The following MYRIP variants were observed in gnomAD, a reference collection of about 807,000 sequenced individuals.
The protein encoded by MYRIP is myosin VIIA and Rab interacting protein.
A neutral mutation model predicts 98.0 loss-of-function variants in MYRIP; 49 were observed. That is an observed-to-expected ratio of 0.50 (90% CI 0.40 to 0.63). The LOEUF (loss-of-function observed/expected upper bound fraction) is 0.63, where lower values mean the gene tolerates loss of function less well. Ranked by LOEUF, MYRIP falls within the 30% of genes least tolerant of loss-of-function variation. The pLI, the probability that MYRIP is intolerant of heterozygous loss-of-function variation, is 0.00. For missense variants in MYRIP, 1,004 were observed against 1,058.2 expected, an observed-to-expected ratio of 0.95 and a Z score of 0.71; for synonymous variants, 404 against 409.5, an observed-to-expected ratio of 0.99 and a Z score of 0.16.
chr3:39,818,295 C>T (rs555269802), intron 1 of MYRIP, among the ~76,000 whole-genome samples: 1 of 152,226 alleles, frequency 6.6e-6, no homozygotes, highest in Admixed American at 6.5e-5. Context: ...TGCCAAATTC[C>T]CATGCCTTGC....
intron 2 of MYRIP, among the ~76,000 whole-genome samples, chr3:39,957,795 A>G (rs1406183757): frequency 6.6e-6 from 1 of 152,222 alleles, no homozygotes; most frequent in Non-Finnish European, 1.5e-5. Context: ...GTCTCAGCCC[A>G]AAATCTCCGT....
intron 1 of MYRIP, among the ~76,000 whole-genome samples, chr3:39,892,598 T>C (rs188318708): frequency 8.3e-4 from 127 of 152,328 alleles, no homozygotes; most frequent in African/African-American, 3.0e-3. Context: ...GTGTGAATTT[T>C]TTTCTATTAA....
chr3:40,063,794 A>G (rs963573662), intron 3 of MYRIP, among the ~76,000 whole-genome samples: 1 of 152,184 alleles, frequency 6.6e-6, no homozygotes, highest in African/African-American at 2.4e-5. Context: ...AAAGAGATGA[A>G]TTGATCACTA....
intron 11 of MYRIP, among the ~76,000 whole-genome samples, chr3:40,220,248 C>T (rs539754723): frequency 0.024 from 3,612 of 151,602 alleles, 46 homozygotes; most frequent in Non-Finnish European, 0.038. Flanking sequence ...CTTTGTCAGA[C>T]GAGTAGGTTG....
chr3:40,206,075 T>C (rs1328320967), intron 10 of MYRIP, among the ~76,000 whole-genome samples: 1 of 152,126 alleles, frequency 6.6e-6, no homozygotes, highest in Non-Finnish European at 1.5e-5. Context: ...TGTGCGTGCA[T>C]ACCAAAGTTT....
At chr3:39,855,557 T>C (rs894764217) in intron 1 of MYRIP, among the ~76,000 whole-genome samples, 4 of 151,950 alleles carry the variant, frequency 2.6e-5, no homozygotes, top group Admixed American at 6.6e-5. Flanking sequence ...GGGGTTATGT[T>C]CCAGAGGGGA....
intron 1 of MYRIP, among the ~76,000 whole-genome samples, chr3:39,883,075 A>G (rs1943194968): frequency 6.6e-6 from 1 of 152,192 alleles, no homozygotes; most frequent in Admixed American, 6.6e-5. Context: ...GAATGTGAGA[A>G]CAGCATTTGA....
Position 39,876,412 on chromosome 3 carries a change from C to G in MYRIP, c.-30-24375C>G, listed in dbSNP as rs962834184. On this transcript the variant is annotated intron_variant, in intron 1 of 16. Transcript: ENST00000302541. ...ATGTTAGCTGGTTATTTTGCTCATT[C>G]GTTCATGCAGTTTCTTCCTAGCCTC... 9.2e-5 allele frequency among the ~76,000 whole-genome samples: 14 copies of G among 152,162 alleles called. No individual in the cohort carries two copies. In the South Asian group the frequency reaches 2.7e-3, roughly 29 times the overall value.
chr3:40,183,170 G>A (rs1465856953), intron 9 of MYRIP, among the ~76,000 whole-genome samples: 1 of 152,234 alleles, frequency 6.6e-6, no homozygotes, highest in Non-Finnish European at 1.5e-5. Flanking sequence ...CCTGTGGACA[G>A]GAACTGGTCA....
At chr3:40,195,309 T>C (rs1022325794) in intron 10 of MYRIP, among the ~76,000 whole-genome samples, 2 of 152,186 alleles carry the variant, frequency 1.3e-5, no homozygotes, top group Non-Finnish European at 1.5e-5. Flanking sequence ...TTTTACGTTA[T>C]TTTTGAGACA....
intron 2 of MYRIP, among the ~76,000 whole-genome samples, chr3:39,908,232 T>C (rs952111956): frequency 1.3e-5 from 2 of 152,184 alleles, no homozygotes; most frequent in African/African-American, 2.4e-5. Flanking sequence ...GAGTGTGAGA[T>C]AGCACTTCCT....
At chr3:39,811,373 A>C (rs888073670) in intron 1 of MYRIP, among the ~76,000 whole-genome samples, 6 of 152,190 alleles carry the variant, frequency 3.9e-5, no homozygotes. Context: ...GGGTTTTATT[A>C]AAAAGTCGAA....
intron 3 of MYRIP, among the ~76,000 whole-genome samples, chr3:40,104,830 T>C (rs1949024597): frequency 6.6e-6 from 1 of 152,232 alleles, no homozygotes; most frequent in Admixed American, 6.5e-5. Flanking sequence ...AGACAACTTA[T>C]ACTGTGCTTT....
At chr3:40,080,791 C>CT (rs34610302) in intron 3 of MYRIP, among the ~76,000 whole-genome samples, 1,674 of 93,502 alleles carry the variant, frequency 0.018, 35 homozygotes, top group Non-Finnish European at 0.024. Flanking sequence ...ATCCTAACTT[C>CT]TTTTTTTTTT....
intron 3 of MYRIP, among the ~76,000 whole-genome samples, chr3:40,125,307 C>A (rs576177875): frequency 3.3e-5 from 5 of 152,274 alleles, no homozygotes; most frequent in Middle Eastern, 3.4e-3. Flanking sequence ...GCTTGAGGAG[C>A]AAGAAGAGCC....
chr3:39,857,280 A>AGGAAGG (rs1191725155), intron 1 of MYRIP, among the ~76,000 whole-genome samples: 1 of 151,818 alleles, frequency 6.6e-6, no homozygotes, highest in Admixed American at 6.6e-5. Context: ...GAAGGAAGGA[A>AGGAAGG]AAATGAGTAT....
intron 2 of MYRIP, among the ~76,000 whole-genome samples, chr3:39,911,061 CAA>C (rs879856178): frequency 6.6e-6 from 1 of 152,178 alleles, no homozygotes; most frequent in Admixed American, 6.5e-5. Flanking sequence ...ATATTCATGA[CAA>C]AGAGTTTATG....
chr3:39,838,723 T>A (rs1941702617), intron 1 of MYRIP, among the ~76,000 whole-genome samples: 1 of 152,196 alleles, frequency 6.6e-6, no homozygotes, highest in Non-Finnish European at 1.5e-5. Flanking sequence ...TCTGGTCTCA[T>A]AAAATCAGTT....
chr3:39,978,732 T>G (rs1945813561), intron 2 of MYRIP, among the ~76,000 whole-genome samples: 1 of 152,202 alleles, frequency 6.6e-6, no homozygotes, highest in South Asian at 2.1e-4. Context: ...AGTGCCCTAA[T>G]ATTTAGATGG....
Sources: gnomAD v4.1 joint callset for allele counts (sites outside exome capture counted in the v4.1 genomes callset) on GRCh38, gnomAD v4.1.1 for gene constraint, MANE v1.5 for transcripts, NCBI Gene and HGNC (gene_info 2026-07-23, HGNC 2026-07-21) for gene names.